The following DDA1 variants were observed in gnomAD, a reference collection of about 807,000 sequenced individuals.
DDA1 encodes the protein DET1- and DDB1-associated protein 1.
In DDA1, 3 loss-of-function variants were observed where a neutral mutation model predicts 18.6. That is an observed-to-expected ratio of 0.16 (90% CI 0.07 to 0.42). The LOEUF (loss-of-function observed/expected upper bound fraction) is 0.42. Among genes scored for constraint, DDA1 ranks in the 10% least tolerant of loss-of-function variants. The pLI, the probability that DDA1 is intolerant of heterozygous loss-of-function variation, is 0.99. For synonymous variants in DDA1, 52 were observed against 54.0 expected, an observed-to-expected ratio of 0.96 and a Z score of 0.17; for missense variants, 105 against 138.2, an observed-to-expected ratio of 0.76 and a Z score of 1.20.
intron 1 of DDA1, 66 bp from the exon 2 acceptor site, chr19:17,313,957 G>C (rs577582206): frequency 4.1e-5 from 54 of 1,324,124 alleles, no homozygotes; most frequent in Non-Finnish European, 5.8e-5. Flanking sequence ...CAGTCACCCT[G>C]CAGGTGCTCC....
intron 3 of DDA1, among the ~76,000 whole-genome samples, chr19:17,315,455 T>TATATATATATATATATATATATTA (rs1568354250): frequency 7.3e-6 from 1 of 137,154 alleles, no homozygotes; most frequent in African/African-American, 2.8e-5. Context: ...TATATATATA[T>TATATATATATATATATATATATTA]TAGCCGGGCG....
chr19:17,312,554 C>T (rs1300251520), intron 1 of DDA1, among the ~76,000 whole-genome samples: 1 of 152,114 alleles, frequency 6.6e-6, no homozygotes, highest in African/African-American at 2.4e-5. Context: ...GACCCCTCCT[C>T]ACCCTTCAGG....
At chr19:17,318,211 C>T (rs1393863062) in intron 4 of DDA1, among the ~76,000 whole-genome samples, 1 of 151,160 alleles carries the variant, frequency 6.6e-6, no homozygotes, top group African/African-American at 2.4e-5. Flanking sequence ...CGCCACCATG[C>T]CCAGCTAATT....
Position 17,315,979 on chromosome 19 carries a change from A to G in DDA1, c.182A>G (p.Gln61Arg). The change falls in exon 4 of 5, where the codon CAG becomes CGG. Residue 61 changes from glutamine (Q) to arginine (R), a missense_variant. By Grantham distance (43) the Gln-to-Arg change is conservative. Transcript: ENST00000359866. ...KTNILLRYLH[Q>R]QWDKKNAAKK... ...AACATCCTCCTGCGCTACCTGCATC[A>G]GCAATGGGACAAAAAGGTGAGGCCC... 1 of 1,614,196 alleles carries G rather than the reference A, an allele frequency of 6.2e-7. No individual in the cohort carries two copies.
At chr19:17,311,832 T>C (rs906077570) in intron 1 of DDA1, among the ~76,000 whole-genome samples, 4 of 152,132 alleles carry the variant, frequency 2.6e-5, no homozygotes, top group Non-Finnish European at 1.5e-5. Context: ...CACACAGGTG[T>C]CCAGTGCGTG....
chr19:17,316,997 C>T (rs1197033911), intron 4 of DDA1, among the ~76,000 whole-genome samples: 3 of 152,208 alleles, frequency 2.0e-5, no homozygotes, highest in Non-Finnish European at 2.9e-5. Flanking sequence ...GAGGCCTACG[C>T]AGGCGGATCA....
Position 17,319,705 on chromosome 19 carries a change from C to T in DDA1, c.*49C>T, listed in dbSNP as rs1379051738. 2.0e-6 allele frequency: 3 copies of T among 1,518,124 alleles called. No individual in the cohort carries two copies. The allele number at this position is 1,518,124 out of a possible 1,614,324, so 94.0% of individuals were successfully genotyped here. Reference sequence around the variant, plus strand: ...CCTGCCAGGTCTGCTCCTCGGTCGCCCACCCGCCTGCCCGCCATGTGTAAG... The same window carrying T: ...CCTGCCAGGTCTGCTCCTCGGTCGCTCACCCGCCTGCCCGCCATGTGTAAG... On this transcript the variant is annotated 3_prime_UTR_variant, in exon 5 of 5. Coordinates refer to ENST00000359866, the MANE Select transcript of DDA1 (RefSeq NM_024050.6).
Position 17,315,430 on chromosome 19 carries a change from A to ATGTGTGTGTGTGTG in DDA1, c.137-503_137-502insGTGTGTGTGTGTGT, listed in dbSNP as rs1568354219. Among the ~76,000 whole-genome samples the ATGTGTGTGTGTGTG allele has an allele frequency of 8.9e-3, 364 of 40,740 alleles. 5 individuals carry two copies. Among genetic ancestry groups the ATGTGTGTGTGTGTG allele is most frequent in the African/African-American group, 0.013 (57 of 4,530 alleles). 26.7% of individuals were successfully genotyped at this position (40,740 alleles called of 152,430 possible). The stretch of plus-strand genomic sequence containing the variant: ...CATACGTGTGTGTGTGTGTGTGTGC[A>ATGTGTGTGTGTGTG]TATATATATATATATATATATATAT... On this transcript the variant is annotated intron_variant, in intron 3 of 4. Coordinates refer to ENST00000359866, the MANE Select transcript of DDA1 (RefSeq NM_024050.6).
Position 17,313,479 on chromosome 19 carries a change from G to A in DDA1, c.4-544G>A, listed in dbSNP as rs887658227. ...TTTTTTTGAGACAGAGTCTGGTTCC[G>A]TCTCCCAGGCTGGAGTGTAGTAGCA... On this transcript the variant is annotated intron_variant, in intron 1 of 4. Transcript: ENST00000359866. 2.4e-5 allele frequency among the ~76,000 whole-genome samples: 3 copies of A among 126,216 alleles called. 1 individual carries two copies. The highest frequency in any genetic ancestry group is 2.4e-4 in the South Asian group (1 of 4,152). The allele number at this position is 126,216 out of a possible 152,430, so 82.8% of individuals were successfully genotyped here.
chr19:17,315,275 ATATACACACAC>A (rs2074203385), intron 3 of DDA1, among the ~76,000 whole-genome samples: 1 of 54,812 alleles, frequency 1.8e-5, no homozygotes, highest in Non-Finnish European at 3.8e-5. Context: ...ACACACGTGT[ATATACACACAC>A]TATATATATA....
rs1297752136 is a variant in DDA1, at chr19:17,314,481, C to G, written c.136+92C>G. 23 of 1,535,120 alleles carry G rather than the reference C, an allele frequency of 1.5e-5. No individual in the cohort carries two copies. The Admixed American group carries it at 3.9e-4, about 26-fold the overall frequency. ...GGCACGCGGAGGTTATCTTCAACCC[C>G]GGCCCAGGCCATAGACTTGGCTTGG... On this transcript the variant is annotated intron_variant, in intron 3 of 4. Coordinates refer to ENST00000359866, the MANE Select transcript of DDA1 (RefSeq NM_024050.6). This position sits in a 1 kb window ranked among gnomAD's most constrained non-coding sequence, Gnocchi z 4.6.
intron 3 of DDA1, among the ~76,000 whole-genome samples, chr19:17,315,461 G>A (rs1022364246): frequency 4.1e-5 from 3 of 73,408 alleles, no homozygotes; most frequent in South Asian, 2.9e-4. Context: ...TATATTAGCC[G>A]GGCGTGGTGG....
At position 17,314,560 on chromosome 19, in the gene DDA1, T is replaced by G. The variant is rs1378281550; in HGVS notation, c.136+171T>G. ...AAGTCAGGGAGGGCCTCCAGGGAGG[T>G]ACAGGAGGGGGACCTTGGGGGCTTC... On this transcript the variant is annotated intron_variant, in intron 3 of 4. Transcript: ENST00000359866. The surrounding 1 kb of genome is among the most constrained non-coding windows in gnomAD (Gnocchi z 4.6). 1 of 839,732 alleles carries G rather than the reference T, an allele frequency of 1.2e-6. No homozygotes were observed. The highest frequency in any genetic ancestry group is 1.7e-5 in the African/African-American group (1 of 58,642). 52.0% of individuals were successfully genotyped at this position (839,732 alleles called of 1,614,324 possible).
rs2145680972 is a variant in DDA1, at chr19:17,322,637, T to G, written c.*2981T>G. On this transcript the variant is annotated 3_prime_UTR_variant, in exon 5 of 5. Coordinates refer to ENST00000359866, the MANE Select transcript of DDA1 (RefSeq NM_024050.6). ...GTGAGGGTCTGAGAGGCCACGTTCCTGTTCCTGAGTCATACGACAGAGTCC... is the reference window on the plus strand; with the variant it reads ...GTGAGGGTCTGAGAGGCCACGTTCCGGTTCCTGAGTCATACGACAGAGTCC... 1 of 152,450 alleles carries G rather than the reference T, an allele frequency of 6.6e-6. No homozygotes were observed. Among genetic ancestry groups the G allele is most frequent in the East Asian group, 1.9e-4 (1 of 5,184 alleles). The allele number at this position is 152,450 out of a possible 1,614,324, so 9.4% of individuals were successfully genotyped here. A position where few individuals can be genotyped will look rare whatever the true frequency, so the allele number is the denominator to read the frequency against.
chr19:17,319,459 C>A, intron 4 of DDA1, 87 bp from the exon 5 acceptor site: 1 of 1,119,334 alleles, frequency 8.9e-7, no homozygotes, highest in Non-Finnish European at 1.3e-6. Context: ...ACTCCAGAGG[C>A]TGAGCTGGGA....
chr19:17,311,717 G>A (rs370056513), intron 1 of DDA1, among the ~76,000 whole-genome samples: 1 of 152,178 alleles, frequency 6.6e-6, no homozygotes, highest in African/African-American at 2.4e-5. Flanking sequence ...TGTGATCGAG[G>A]TCATTCCTGA....
intron 1 of DDA1, among the ~76,000 whole-genome samples, chr19:17,312,531 G>A (rs1027358895): frequency 3.9e-5 from 6 of 152,226 alleles, no homozygotes; most frequent in African/African-American, 1.2e-4. Context: ...CCAGGGCTGC[G>A]AAGGGGGACA....
chr19:17,318,713 G>A (rs574238359), intron 4 of DDA1, among the ~76,000 whole-genome samples: 1 of 149,256 alleles, frequency 6.7e-6, no homozygotes, highest in East Asian at 2.0e-4. Flanking sequence ...CCAGGCTGGA[G>A]TGAGTGCAGT....
At chr19:17,312,484 G>A (rs2074183765) in intron 1 of DDA1, among the ~76,000 whole-genome samples, 1 of 152,040 alleles carries the variant, frequency 6.6e-6, no homozygotes, top group South Asian at 2.1e-4. Flanking sequence ...TGTGGCAGAG[G>A]GTGTGTATGA....
Sources: allele counts gnomAD v4.1 joint callset (sites outside exome capture counted in the v4.1 genomes callset), GRCh38; gene constraint gnomAD v4.1.1; non-coding constraint Gnocchi (gnomAD v3.1); transcripts MANE v1.5; gene names NCBI Gene and HGNC (gene_info 2026-07-23, HGNC 2026-07-21).